The following OR52N4 variants were observed in gnomAD, a reference collection of about 807,000 sequenced individuals.
The protein encoded by OR52N4 is olfactory receptor 52N4.
A neutral mutation model predicts 15.0 loss-of-function variants in OR52N4; 15 were observed. The observed-to-expected ratio is 1.00, with a 90% confidence interval of 0.67 to 1.54. The LOEUF (loss-of-function observed/expected upper bound fraction) is 1.54. OR52N4 is among the 40% of genes most tolerant of loss of function. The pLI is 0.00. For synonymous variants in OR52N4, 143 were observed against 143.7 expected (o/e 1.00, Z 0.03); for missense variants, 421 against 394.0 (o/e 1.07, Z -0.58).
chr11:5,748,455 T>TC, the OR52N4 span, among the ~76,000 whole-genome samples: 1 of 151,850 alleles, frequency 6.6e-6, no homozygotes, highest in Non-Finnish European at 1.5e-5. Flanking sequence ...GTTTGTATAT[T>TC]CCTCTAATTT....
chr11:5,752,633 T>A (rs1016921696), upstream of OR52N4, among the ~76,000 whole-genome samples: 1 of 152,204 alleles, frequency 6.6e-6, no homozygotes, highest in Non-Finnish European at 1.5e-5. Flanking sequence ...CTCTTGGCAA[T>A]TTAATTTTTG....
chr11:5,737,041 T>G, the OR52N4 span: 2 of 1,614,110 alleles, frequency 1.2e-6, no homozygotes, highest in Non-Finnish European at 1.7e-6. Flanking sequence ...CAGCACAGCG[T>G]GATTATTGCT....
At chr11:5,736,698 A>T in the OR52N4 span, 1 of 1,613,800 alleles carries the variant, frequency 6.2e-7, no homozygotes, top group Middle Eastern at 1.6e-4. Context: ...ATCTGGCAGA[A>T]CCCTTCTTTA....
At chr11:5,743,375 C>T in the OR52N4 span, among the ~76,000 whole-genome samples, 1 of 152,182 alleles carries the variant, frequency 6.6e-6, no homozygotes, top group Non-Finnish European at 1.5e-5. Context: ...AAATTGCCCT[C>T]TAGATTAAAT....
chr11:5,745,397 C>T, the OR52N4 span, among the ~76,000 whole-genome samples: 1 of 152,016 alleles, frequency 6.6e-6, no homozygotes, highest in Non-Finnish European at 1.5e-5. Flanking sequence ...TTGTTATACA[C>T]TAATAACAAT....
upstream of OR52N4, among the ~76,000 whole-genome samples, chr11:5,750,979 G>A (rs945024944): frequency 5.9e-5 from 9 of 151,878 alleles, no homozygotes; most frequent in Non-Finnish European, 1.2e-4. Context: ...TATCAACAAA[G>A]TGAGAATGTG....
the OR52N4 span, chr11:5,737,093 G>A: frequency 1.2e-6 from 2 of 1,613,940 alleles, no homozygotes; most frequent in African/African-American, 2.7e-5. Flanking sequence ...TAACCTTGGG[G>A]TCACAAGCCT....
chr11:5,744,951 A>G, the OR52N4 span, among the ~76,000 whole-genome samples: 3 of 152,088 alleles, frequency 2.0e-5, no homozygotes, highest in Non-Finnish European at 4.4e-5. Context: ...AAAACATATA[A>G]TCATTTTAAT....
the OR52N4 span, among the ~76,000 whole-genome samples, chr11:5,727,629 T>C: frequency 6.6e-6 from 1 of 152,234 alleles, no homozygotes; most frequent in African/African-American, 2.4e-5. Context: ...GCATTCTTTC[T>C]TTCCTTTCAG....
At chr11:5,737,618 G>A in the OR52N4 span, 1 of 811,442 alleles carries the variant, frequency 1.2e-6, no homozygotes. Context: ...AAATAATTGT[G>A]AAAGCTTCAG....
At chr11:5,751,751 C>A (rs911778478), upstream of OR52N4, among the ~76,000 whole-genome samples, 1 of 152,000 alleles carries the variant, frequency 6.6e-6, no homozygotes, top group Non-Finnish European at 1.5e-5. Context: ...GTCCTTACAT[C>A]GGTGATTTCA....
Position 5,755,652 on chromosome 11 carries a change from C to G in OR52N4, c.912C>G (p.Asp304Glu). ...GGGTGAAAACCAAACAGATACGAGA[C>G]TGTGTCATAAGGATCCTTTCAGGTT... ...VYGVKTKQIR[D>E]CVIRILSGSK... Residue 304 changes from aspartate to glutamate, a missense_variant, in exon 2 of 2, where the codon GAC (aspartate) becomes GAG (glutamate). Asp to Glu is a conservative substitution (Grantham distance 45). Transcript: ENST00000641350. 5.0e-6 allele frequency: 8 copies of G among 1,613,754 alleles called. No homozygotes were observed. The highest frequency in any genetic ancestry group is 6.8e-6 in the Non-Finnish European group (8 of 1,179,746).
upstream of OR52N4, among the ~76,000 whole-genome samples, chr11:5,751,270 T>A (rs985953163): frequency 2.0e-5 from 3 of 152,056 alleles, no homozygotes; most frequent in Non-Finnish European, 4.4e-5. Flanking sequence ...ATATAATTTT[T>A]AAAAATTAGT....
chr11:5,736,222 G>C, the OR52N4 span: 2 of 324,952 alleles, frequency 6.2e-6, no homozygotes, highest in Non-Finnish European at 1.1e-5. Flanking sequence ...AATTTTGAAA[G>C]GCTATGTAAG....
chr11:5,737,478 A>C, the OR52N4 span: 1 of 1,610,268 alleles, frequency 6.2e-7, no homozygotes, highest in East Asian at 2.2e-5. Context: ...CTTACAAAAG[A>C]AATAAGATCT....
the OR52N4 span, among the ~76,000 whole-genome samples, chr11:5,742,017 G>C: frequency 2.0e-5 from 3 of 152,058 alleles, no homozygotes; most frequent in African/African-American, 7.2e-5. Flanking sequence ...ACAAAATACA[G>C]TTGAAAGCTT....
upstream of OR52N4, among the ~76,000 whole-genome samples, chr11:5,751,980 G>T (rs146475217): frequency 6.6e-6 from 1 of 152,140 alleles, no homozygotes; most frequent in East Asian, 1.9e-4. Context: ...AATGTATAGG[G>T]ATTAGCTACA....
the OR52N4 span, among the ~76,000 whole-genome samples, chr11:5,740,530 C>G: frequency 3.1e-5 from 4 of 127,466 alleles, 2 homozygotes; most frequent in African/African-American, 1.1e-4. Flanking sequence ...TGAGTCTCAG[C>G]TGGGTGCAGT....
chr11:5,747,256 G>C, the OR52N4 span, among the ~76,000 whole-genome samples: 7 of 151,744 alleles, frequency 4.6e-5, no homozygotes, highest in African/African-American at 1.7e-4. Context: ...CTTGTGACCA[G>C]GACTTCAAGG....
Sources: allele counts gnomAD v4.1 joint callset (sites outside exome capture counted in the v4.1 genomes callset), GRCh38; gene constraint gnomAD v4.1.1; transcripts MANE v1.5; gene names NCBI Gene and HGNC (gene_info 2026-07-23, HGNC 2026-07-21).